The following HEPH variants were observed in gnomAD, a reference collection of about 807,000 sequenced individuals.
HEPH encodes the protein hephaestin.
A neutral mutation model predicts 80.8 loss-of-function variants in HEPH; 69 were observed. That is an observed-to-expected ratio of 0.85 (90% CI 0.70 to 1.04). The LOEUF (loss-of-function observed/expected upper bound fraction) is 1.04. HEPH is among the 50% of genes least tolerant of loss of function. The pLI, the probability that HEPH is intolerant of heterozygous loss-of-function variation, is 0.00. For missense variants in HEPH, 1,115 were observed against 891.3 expected, an observed-to-expected ratio of 1.25 and a Z score of -3.20; for synonymous variants, 431 against 322.8, an observed-to-expected ratio of 1.34 and a Z score of -3.60.
intron 15 of HEPH, among the ~76,000 whole-genome samples, chrX:66,232,647 A>G (rs2090197602): frequency 9.0e-6 from 1 of 111,155 alleles, no homozygotes; most frequent in East Asian, 2.8e-4. Flanking sequence ...AAACAATTAT[A>G]GTCTAGTCAG....
rs1207169994 is a variant in HEPH, at chrX:66,259,596, A to C, written c.3037-504A>C. ...GAAAATTATAAAGATACTTGTTTTG[A>C]ACCTTCTAAAGTAACCTAGAAATTC... On this transcript the variant is annotated intron_variant, in intron 18 of 20. Coordinates refer to ENST00000343002, the MANE Select transcript of HEPH (RefSeq NM_001367233.3). 2.7e-5 allele frequency among the ~76,000 whole-genome samples: 3 copies of C among 112,122 alleles called. No homozygotes were observed. The East Asian group carries it at 8.4e-4, about 31-fold the overall frequency.
intron 15 of HEPH, among the ~76,000 whole-genome samples, chrX:66,238,804 A>G (rs926666076): frequency 8.9e-6 from 1 of 112,324 alleles, no homozygotes; most frequent in Non-Finnish European, 1.9e-5. Context: ...CCACGTATTT[A>G]TTAACAACAA....
At chrX:66,201,558 G>A (rs758485150) in intron 12 of HEPH, among the ~76,000 whole-genome samples, 1 of 111,292 alleles carries the variant, frequency 9.0e-6, no homozygotes, top group Admixed American at 9.5e-5. Context: ...TCCCTATGGT[G>A]TATTTTTTTT....
At chrX:66,252,310 G>T (rs1000099804) in intron 15 of HEPH, among the ~76,000 whole-genome samples, 1 of 111,764 alleles carries the variant, frequency 8.9e-6, no homozygotes, top group Non-Finnish European at 1.9e-5. Context: ...AAATGGAGGT[G>T]CCAAGAATGC....
chrX:66,196,701 G>A (rs1377209498), intron 9 of HEPH, among the ~76,000 whole-genome samples: 1 of 111,853 alleles, frequency 8.9e-6, no homozygotes, highest in African/African-American at 3.3e-5. Context: ...AACCTCATCA[G>A]CACTGGGGAA....
chrX:66,196,494 T>A (rs1263284484), intron 9 of HEPH, among the ~76,000 whole-genome samples: 6 of 112,182 alleles, frequency 5.3e-5, no homozygotes. Flanking sequence ...ATACTAGAAA[T>A]ATCCTTCCAT....
chrX:66,203,895 C>G (rs761892459), intron 13 of HEPH, among the ~76,000 whole-genome samples: 47 of 112,744 alleles, frequency 4.2e-4, no homozygotes, highest in Non-Finnish European at 7.7e-4. Flanking sequence ...TCAAGCTCAG[C>G]TGTCCCTTGA....
At chrX:66,219,789 A>G (rs954274633) in intron 15 of HEPH, among the ~76,000 whole-genome samples, 1 of 111,538 alleles carries the variant, frequency 9.0e-6, no homozygotes, top group Non-Finnish European at 1.9e-5. Context: ...CAATAACACA[A>G]CTACCTGCCC....
chrX:66,173,905 T>TG, intron 4 of HEPH, 104 bp downstream of exon 4: 1 of 489,652 alleles, frequency 2.0e-6, no homozygotes, highest in Non-Finnish European at 3.3e-6. Flanking sequence ...TGAGGAGTGC[T>TG]AATTCAGCAC....
At chrX:66,191,520 A>G (rs909541778) in intron 6 of HEPH, among the ~76,000 whole-genome samples, 1 of 112,347 alleles carries the variant, frequency 8.9e-6, no homozygotes, top group Non-Finnish European at 1.9e-5. Context: ...AGCCAATATA[A>G]GACAGTACCA....
At chrX:66,262,557 T>C (rs2091404104) in intron 19 of HEPH, among the ~76,000 whole-genome samples, 2 of 111,931 alleles carry the variant, frequency 1.8e-5, no homozygotes, top group African/African-American at 6.5e-5. Context: ...TTAGTTGAAA[T>C]TGGACACAAA....
chrX:66,252,537 G>C (rs755387958), intron 15 of HEPH, among the ~76,000 whole-genome samples: 1 of 111,482 alleles, frequency 9.0e-6, no homozygotes, highest in Non-Finnish European at 1.9e-5. Context: ...TAGCTGATGG[G>C]GAAATTTTTG....
intron 12 of HEPH, among the ~76,000 whole-genome samples, chrX:66,201,917 G>A (rs1228582038): frequency 8.9e-6 from 1 of 112,049 alleles, no homozygotes; most frequent in African/African-American, 3.2e-5. Flanking sequence ...CGGTGGTAAG[G>A]GAAATAGAAG....
intron 15 of HEPH, among the ~76,000 whole-genome samples, chrX:66,213,616 G>A (rs11796628): frequency 0.016 from 1,734 of 110,966 alleles, 23 homozygotes; most frequent in Non-Finnish European, 0.021. Context: ...GTATTGCAAT[G>A]AAATTCTTGT....
intron 15 of HEPH, among the ~76,000 whole-genome samples, chrX:66,226,978 C>CA (rs920006705): frequency 5.4e-5 from 6 of 110,870 alleles, no homozygotes; most frequent in African/African-American, 2.0e-4. Context: ...AAGGACACAA[C>CA]AAAAAAAGAG....
At chrX:66,173,432 C>G (rs1393778317) in intron 3 of HEPH, among the ~76,000 whole-genome samples, 157 bp from the exon 4 acceptor site, 1 of 111,979 alleles carries the variant, frequency 8.9e-6, no homozygotes, top group Admixed American at 9.5e-5. Context: ...TAAATCTGTG[C>G]TCTCCTTAGG....
Position 66,266,504 on chromosome X carries a change from G to C in HEPH, c.3309G>C (p.Lys1103Asn). The C allele has an allele frequency of 8.3e-7, 1 of 1,209,865 alleles. No homozygotes were observed. The change falls in exon 21 of 21, where the codon AAG becomes AAC. Residue 1103 changes from lysine to asparagine, a missense_variant. Physicochemically the swap from Lys to Asn is moderately conservative, Grantham distance 94 (BLOSUM62 0). Around this residue, in one of 3 missense-constraint regions of HEPH, gnomAD observed 716 missense variants for 523.5 expected, o/e 1.37. Coordinates refer to ENST00000343002, the MANE Select transcript of HEPH (RefSeq NM_001367233.3). ...TGCTGGGCATGCAGATCCCCATAAA[G>C]AATGTTGAGATGCTGGCCTCTGTTT... Reference protein sequence around the residue: ...VKMLGMQIPIKNVEMLASVLV... With the variant: ...VKMLGMQIPINNVEMLASVLV...
chrX:66,176,696 G>A (rs2086819332), intron 4 of HEPH, among the ~76,000 whole-genome samples: 1 of 110,468 alleles, frequency 9.1e-6, no homozygotes, highest in South Asian at 3.9e-4. Context: ...TCCCATTCCT[G>A]TGTCCATGTG....
chrX:66,200,290 G>A (rs1481912659), intron 11 of HEPH, among the ~76,000 whole-genome samples: 1 of 106,163 alleles, frequency 9.4e-6, no homozygotes, highest in Non-Finnish European at 1.9e-5. Flanking sequence ...GTGGAGAATA[G>A]TTCAATGTTG....
Sources: gnomAD v4.1 joint callset for allele counts (sites outside exome capture counted in the v4.1 genomes callset) on GRCh38, gnomAD v4.1.1 for gene constraint, gnomAD v4.1.1 regional missense constraint, MANE v1.5 for transcripts, NCBI Gene and HGNC (gene_info 2026-07-23, HGNC 2026-07-21) for gene names.